MYT1L: variants seen among roughly 807,000 people sequenced by gnomAD.
MYT1L encodes myelin transcription factor 1-like protein.
MYT1L carries 12 observed loss-of-function variants against 126.7 expected under a neutral mutation model. That is an observed-to-expected ratio of 0.09 (90% CI 0.06 to 0.15). The LOEUF is 0.15. Among genes scored for constraint, MYT1L ranks in the 10% least tolerant of loss-of-function variants. MYT1L has a pLI of 1.00. For synonymous variants in MYT1L, 541 were observed against 604.2 expected (o/e 0.90, Z 1.53); for missense variants, 979 against 1,585.2 (o/e 0.62, Z 6.49).
intron 1 of MYT1L, among the ~76,000 whole-genome samples, chr2:2,330,091 T>C (rs935057302): frequency 3.9e-5 from 6 of 152,046 alleles, no homozygotes; most frequent in African/African-American, 1.2e-4. Context: ...TAAATGAAGA[T>C]GAACAATTAG....
At chr2:2,123,502 T>C (rs1190305723) in intron 3 of MYT1L, among the ~76,000 whole-genome samples, 3 of 152,196 alleles carry the variant, frequency 2.0e-5, no homozygotes, top group Non-Finnish European at 4.4e-5. Flanking sequence ...TTCCCCTTGC[T>C]GTTCTCACGA....
intron 2 of MYT1L, among the ~76,000 whole-genome samples, chr2:2,213,315 G>A (rs965925646): frequency 6.6e-6 from 1 of 152,176 alleles, no homozygotes; most frequent in African/African-American, 2.4e-5. Context: ...TCAGTGAGTT[G>A]AGGAGACAGA....
intron 8 of MYT1L, among the ~76,000 whole-genome samples, chr2:1,952,642 C>G (rs770903891): frequency 6.7e-6 from 1 of 149,904 alleles, no homozygotes; most frequent in African/African-American, 2.5e-5. Context: ...TTGTGTGCCA[C>G]GGCACACCAC....
chr2:1,916,267 CAA>C (rs1304501574), intron 11 of MYT1L, among the ~76,000 whole-genome samples: 1 of 152,128 alleles, frequency 6.6e-6, no homozygotes, highest in Non-Finnish European at 1.5e-5. Flanking sequence ...TCAAGTATCT[CAA>C]AGTTACCCAT....
chr2:2,023,171 T>C (rs141807029), intron 4 of MYT1L, among the ~76,000 whole-genome samples: 86 of 151,324 alleles, frequency 5.7e-4, no homozygotes, highest in African/African-American at 2.0e-3. Flanking sequence ...GAAAAAAGAG[T>C]AGAGGTGGAA....
chr2:2,080,835 C>A (rs113140642), intron 3 of MYT1L, among the ~76,000 whole-genome samples: 8 of 152,184 alleles, frequency 5.3e-5, no homozygotes, highest in Middle Eastern at 3.2e-3. Flanking sequence ...TGTGACACAG[C>A]AATTTCACTC....
intron 4 of MYT1L, among the ~76,000 whole-genome samples, chr2:2,011,410 G>GA (rs910957844): frequency 6.6e-5 from 6 of 91,204 alleles, no homozygotes; most frequent in South Asian, 3.4e-4. Context: ...CTCAGAAAAA[G>GA]AAAAAAAAAG....
intron 9 of MYT1L, among the ~76,000 whole-genome samples, chr2:1,926,557 G>GTTTTGT (rs2054255806): frequency 6.6e-6 from 1 of 152,126 alleles, no homozygotes; most frequent in South Asian, 2.1e-4. Flanking sequence ...ATTTTACTAG[G>GTTTTGT]TTTTGTTTTT....
At position 1,930,993 on chromosome 2, in the gene MYT1L, T is replaced by C. The variant is rs572649965; in HGVS notation, c.506-7730A>G. On this transcript the variant is annotated intron_variant, in intron 9 of 24. Coordinates refer to ENST00000647738, the MANE Select transcript of MYT1L (RefSeq NM_001303052.2). Reference sequence around the variant, plus strand: ...GAGGGGCCGGAGGACCTGTGGTTTATGTGCTGCATTTTGCCACTGTTTTTT... The same window carrying C: ...GAGGGGCCGGAGGACCTGTGGTTTACGTGCTGCATTTTGCCACTGTTTTTT... Among the ~76,000 whole-genome samples, 14 of 152,352 alleles carry C rather than the reference T, an allele frequency of 9.2e-5. No homozygotes were observed. In the East Asian group the frequency reaches 1.4e-3, roughly 15 times the overall value.
At chr2:1,872,353 A>T (rs1235932171) in intron 18 of MYT1L, among the ~76,000 whole-genome samples, 3 of 152,190 alleles carry the variant, frequency 2.0e-5, no homozygotes, top group African/African-American at 2.4e-5. Context: ...TAAAGAAATG[A>T]CAGAGAATAA....
intron 3 of MYT1L, among the ~76,000 whole-genome samples, chr2:2,106,599 C>T (rs2150530851): frequency 6.6e-6 from 1 of 152,032 alleles, no homozygotes; most frequent in Middle Eastern, 3.4e-3. Flanking sequence ...GCCTGGGCAA[C>T]AGAGTGAGAC....
Position 2,085,149 on chromosome 2 carries a change from C to T in MYT1L, c.-303-31026G>A, listed in dbSNP as rs1575066271. Among the ~76,000 whole-genome samples the T allele has an allele frequency of 2.6e-5, 4 of 152,264 alleles. 1 individual carries two copies. Among genetic ancestry groups the T allele is most frequent in the Admixed American group, 2.6e-4 (4 of 15,304 alleles). The stretch of plus-strand genomic sequence containing the variant: ...GTTTCTTTTCTCCATCAGCTGTCTC[C>T]ACCTTCTCCAAGAGCGCATTTTTAA... On this transcript the variant is annotated intron_variant, in intron 3 of 24. Transcript: ENST00000647738.
At chr2:2,310,732 A>G (rs1237829562) in intron 1 of MYT1L, among the ~76,000 whole-genome samples, 1 of 152,174 alleles carries the variant, frequency 6.6e-6, no homozygotes, top group Non-Finnish European at 1.5e-5. Context: ...CAAAGTCCAA[A>G]CAATTATACA....
chr2:2,116,016 C>T (rs369818617), intron 3 of MYT1L, among the ~76,000 whole-genome samples: 2,777 of 151,090 alleles, frequency 0.018, 38 homozygotes, highest in South Asian at 0.04. Flanking sequence ...GAAGCTGAGG[C>T]TGAGAAGTAG....
intron 18 of MYT1L, among the ~76,000 whole-genome samples, chr2:1,877,833 A>G (rs571489764): frequency 6.6e-6 from 1 of 151,630 alleles, no homozygotes; most frequent in South Asian, 2.1e-4. Context: ...CATCTTCCTA[A>G]TTCAACATGA....
intron 2 of MYT1L, among the ~76,000 whole-genome samples, chr2:2,214,992 T>C (rs1559359284): frequency 6.6e-6 from 1 of 152,178 alleles, no homozygotes; most frequent in Non-Finnish European, 1.5e-5. Flanking sequence ...TGTGAAGTGG[T>C]ATAATACAAC....
chr2:2,006,888 GA>G (rs35294802), intron 4 of MYT1L, among the ~76,000 whole-genome samples: 116 of 141,772 alleles, frequency 8.2e-4, no homozygotes, highest in African/African-American at 1.2e-3. Context: ...AGCTCTTTAG[GA>G]AAAAAAAAAA....
chr2:1,912,990 G>A lies in MYT1L; in HGVS notation c.1619-880C>T, dbSNP rs2052281651. ...CATCATGCTCTGCTCCTCTGAGCCC[G>A]CTGTCTCCAAACTCCAGGGGAATGG... On this transcript the variant is annotated intron_variant, in intron 11 of 24. Transcript: ENST00000647738. This position sits in a 1 kb window ranked among gnomAD's most constrained non-coding sequence, Gnocchi z 4.3. Among the ~76,000 whole-genome samples the A allele has an allele frequency of 2.0e-5, 3 of 152,192 alleles. No individual in the cohort carries two copies. Among genetic ancestry groups the A allele is most frequent in the Admixed American group, 6.5e-5 (1 of 15,286 alleles).
intron 2 of MYT1L, among the ~76,000 whole-genome samples, chr2:2,202,079 C>A (rs1373315079): frequency 3.3e-5 from 5 of 152,000 alleles, no homozygotes; most frequent in Non-Finnish European, 7.4e-5. Flanking sequence ...CCAATGAGAA[C>A]AAAGACACAA....
Sources: gnomAD v4.1 joint callset for allele counts (sites outside exome capture counted in the v4.1 genomes callset) on GRCh38, gnomAD v4.1.1 for gene constraint, Gnocchi (gnomAD v3.1) non-coding constraint, MANE v1.5 for transcripts, NCBI Gene and HGNC (gene_info 2026-07-23, HGNC 2026-07-21) for gene names.